CRB2: variants seen among roughly 807,000 people sequenced by gnomAD.
CRB2 encodes the protein protein crumbs homolog 2.
CRB2 carries 85 observed loss-of-function variants against 110.9 expected under a neutral mutation model. The observed-to-expected ratio is 0.77, with a 90% CI of 0.64 to 0.92. CRB2 has a LOEUF of 0.92. CRB2 is among the 40% of genes least tolerant of loss of function. The pLI, the probability that CRB2 is intolerant of heterozygous loss-of-function variation, is 0.00. For synonymous variants in CRB2, 907 were observed against 831.0 expected (o/e 1.09, Z -1.57); for missense variants, 1,843 against 1,851.3 (o/e 1.00, Z 0.08).
Position 123,373,245 on chromosome 9 carries a change from C to G in CRB2, c.2714C>G (p.Ser905Cys), listed in dbSNP as rs759262075. Residue 905 changes from serine to cysteine, a missense_variant, in exon 10 of 13, where the codon TCC (serine) becomes TGC (cysteine). Transcript: ENST00000373631. ...GLSLAFRTRD[S>C]EAWLLRAAAG... The stretch of plus-strand genomic sequence containing the variant: ...TCGCTGGCCTTTCGCACGCGCGACT[C>G]CGAGGCCTGGCTGCTGCGTGCCGCG... 1.3e-6 allele frequency: 2 copies of G among 1,502,978 alleles called. No individual in the cohort carries two copies. Among genetic ancestry groups the G allele is most frequent in the South Asian group, 1.2e-5 (1 of 80,998 alleles). 93.1% of individuals were successfully genotyped at this position (1,502,978 alleles called of 1,614,324 possible).
Position 123,373,852 on chromosome 9 carries a change from C to T in CRB2, c.3321C>T (p.Arg1107=), listed in dbSNP as rs1464273555. The T allele has an allele frequency of 6.4e-7, 1 of 1,561,378 alleles. No individual in the cohort carries two copies. The highest frequency in any genetic ancestry group is 8.6e-7 in the Non-Finnish European group (1 of 1,159,044). The change falls in exon 10 of 13, where the codon CGC becomes CGT. Residue 1107 remains arginine (R), a synonymous_variant. Transcript: ENST00000373631. ...ACTCCGCCCCCTGCGCCCGTGGCCG[C>T]TGTCACACGCACCCCGACGGCCGCT... The part of the protein sequence containing the change: ...PCHSAPCARG[R]CHTHPDGRFE...
At chr9:123,363,378 T>C (rs1034917568) in intron 2 of CRB2, among the ~76,000 whole-genome samples, 190 bp downstream of exon 2, 1 of 152,198 alleles carries the variant, frequency 6.6e-6, no homozygotes, top group African/African-American at 2.4e-5. Flanking sequence ...AGAGTATGTA[T>C]GTGCGGGTGC....
At chr9:123,369,747 GACCT>G (rs1176548925) in intron 6 of CRB2, among the ~76,000 whole-genome samples, 1 of 152,158 alleles carries the variant, frequency 6.6e-6, no homozygotes, top group Admixed American at 6.5e-5. Context: ...TTTAGAAATG[GACCT>G]CTGGCTACTG....
At chr9:123,367,545 G>A in intron 5 of CRB2, 28 bp from the exon 6 acceptor site, 1 of 1,531,186 alleles carries the variant, frequency 6.5e-7, no homozygotes, top group South Asian at 1.2e-5. Flanking sequence ...GAGGGTGCAG[G>A]TGGGACCCAC....
intron 6 of CRB2, among the ~76,000 whole-genome samples, chr9:123,369,395 G>C (rs2041981571): frequency 6.6e-6 from 1 of 152,216 alleles, no homozygotes; most frequent in African/African-American, 2.4e-5. Context: ...TTTTAATACA[G>C]GGTTCTGGGG....
Position 123,371,134 on chromosome 9 carries a change from G to C in CRB2, c.1992G>C (p.Glu664Asp), listed in dbSNP as rs1430163542. 2.5e-6 allele frequency: 4 copies of C among 1,613,414 alleles called. No individual in the cohort carries two copies. The highest frequency in any genetic ancestry group is 1.3e-5 in the African/African-American group (1 of 74,946). The change falls in exon 8 of 13, where the codon GAG (glutamate) becomes GAC (aspartate). Residue 664 changes from glutamate (E) to aspartate (D), a missense_variant. Coordinates refer to ENST00000373631, the MANE Select transcript of CRB2 (RefSeq NM_173689.7). Reference sequence around the variant, plus strand: ...GCTCTGCCTCCTTTCTGCTCCAAGAGCTGCCAGGTCCCAACCTCACAGTGT... The same window carrying C: ...GCTCTGCCTCCTTTCTGCTCCAAGACCTGCCAGGTCCCAACCTCACAGTGT... ...APSSASFLLQ[E>D]LPGPNLTVSF...
chr9:123,372,747 G>A (rs2042034760), intron 9 of CRB2, among the ~76,000 whole-genome samples: 1 of 152,198 alleles, frequency 6.6e-6, no homozygotes, highest in Non-Finnish European at 1.5e-5. Flanking sequence ...CAGGAGAGGG[G>A]CATGACCAGA....
chr9:123,365,079 T>G (rs752432339), intron 2 of CRB2, among the ~76,000 whole-genome samples: 4 of 152,048 alleles, frequency 2.6e-5, no homozygotes, highest in Non-Finnish European at 4.4e-5. Flanking sequence ...CTGGCCAACA[T>G]GGTGAAACGC....
chr9:123,370,848 G>A lies in CRB2; in HGVS notation c.1795G>A (p.Val599Ile), dbSNP rs999991709. 2.9e-5 allele frequency: 46 copies of A among 1,607,864 alleles called. No individual in the cohort carries two copies. Among genetic ancestry groups the A allele is most frequent in the Non-Finnish European group, 3.6e-5 (43 of 1,179,952 alleles). ...LLLPEDLGENVLLGCERREQC... is the reference protein window; with the variant it reads ...LLLPEDLGENILLGCERREQC... ...GCTGCCTGAGGATCTCGGTGAGAAC[G>A]TCCTCCTGGGCTGTGAGCGCCGAGA... is the stretch of plus-strand genomic sequence containing the variant. The change falls in exon 7 of 13, where the codon GTC becomes ATC. Residue 599 changes from valine to isoleucine, a missense_variant. Transcript: ENST00000373631.
chr9:123,354,618 G>T (rs904649917), upstream of CRB2, among the ~76,000 whole-genome samples: 1 of 152,232 alleles, frequency 6.6e-6, no homozygotes, highest in Admixed American at 6.5e-5. Flanking sequence ...CTGTGGCATG[G>T]AGAGGGGCTT....
intron 1 of CRB2, among the ~76,000 whole-genome samples, chr9:123,360,602 T>G (rs2041856548): frequency 6.6e-6 from 1 of 152,144 alleles, no homozygotes; most frequent in African/African-American, 2.4e-5. Flanking sequence ...ATGCAGATTC[T>G]CAGGCTCAGG....
intron 4 of CRB2, 126 bp from the exon 5 acceptor site, chr9:123,367,046 C>T: frequency 1.0e-6 from 1 of 960,808 alleles, no homozygotes; most frequent in Non-Finnish European, 1.5e-6. Flanking sequence ...TAGTGTGTCC[C>T]TCCCTCGCCA....
intron 1 of CRB2, among the ~76,000 whole-genome samples, chr9:123,361,468 G>A (rs1022589686): frequency 1.3e-5 from 2 of 152,156 alleles, no homozygotes; most frequent in African/African-American, 2.4e-5. Context: ...TGCGGATGAC[G>A]CCTGAGAGGC....
At chr9:123,371,700 G>A (rs1028193589) in intron 8 of CRB2, 122 bp downstream of exon 8, 40 of 1,364,048 alleles carry the variant, frequency 2.9e-5, no homozygotes, top group South Asian at 2.8e-4. Context: ...AGGAGGTGAA[G>A]TGACCTGCCC....
chr9:123,370,533 C>T lies in CRB2; in HGVS notation c.1480C>T (p.Gln494Ter). ...GCTGGCATTGGTGGCAGCCACACTTCAGGCCACACTCTGGAGCTACAGCAC... is the reference window on the plus strand; with the variant it reads ...GCTGGCATTGGTGGCAGCCACACTTTAGGCCACACTCTGGAGCTACAGCAC... ...LELALVAATL[Q>*]ATLWSYSTTV... The change falls in exon 7 of 13, where the codon CAG becomes TAG. Residue 494 changes from glutamine to a stop codon, truncating the protein, a stop_gained. Coordinates refer to ENST00000373631, the MANE Select transcript of CRB2 (RefSeq NM_173689.7). LOFTEE classifies it high-confidence loss of function. 6.2e-7 allele frequency: 1 copy of T among 1,613,582 alleles called. No individual in the cohort carries two copies. Among genetic ancestry groups the T allele is most frequent in the Middle Eastern group, 1.6e-4 (1 of 6,062 alleles).
chr9:123,354,530 G>A (rs568800037), upstream of CRB2, among the ~76,000 whole-genome samples: 7 of 152,376 alleles, frequency 4.6e-5, no homozygotes, highest in East Asian at 3.9e-4. Flanking sequence ...AGGAAGTCAC[G>A]TGCTGAGGTC....
intron 1 of CRB2, among the ~76,000 whole-genome samples, chr9:123,361,330 A>T (rs2132739345): frequency 6.6e-6 from 1 of 151,924 alleles, no homozygotes; most frequent in South Asian, 2.1e-4. Context: ...TCCTTTCAAC[A>T]CCTCCATGAG....
Position 123,377,263 on chromosome 9 carries a change from C to A in CRB2, c.*201C>A. Reference sequence around the variant, plus strand: ...AACAGAGGCCTAGAGAGGCTGCGGACTTCTCCATCCCACCCTCGGGGTTCC... The same window carrying A: ...AACAGAGGCCTAGAGAGGCTGCGGAATTCTCCATCCCACCCTCGGGGTTCC... On this transcript the variant is annotated 3_prime_UTR_variant, in exon 13 of 13. Coordinates refer to ENST00000373631, the MANE Select transcript of CRB2 (RefSeq NM_173689.7). 2 of 580,732 alleles carry A rather than the reference C, an allele frequency of 3.4e-6. No individual in the cohort carries two copies. Among genetic ancestry groups the A allele is most frequent in the Non-Finnish European group, 6.0e-6 (2 of 332,380 alleles). The allele number at this position is 580,732 out of a possible 1,614,324, so 36.0% of individuals were successfully genotyped here. A position where few individuals can be genotyped will look rare whatever the true frequency, so the allele number is the denominator to read the frequency against.
Position 123,373,467 on chromosome 9 carries a change from G to T in CRB2, c.2936G>T (p.Gly979Val). The change falls in exon 10 of 13, where the codon GGT (glycine) becomes GTT (valine). Residue 979 changes from glycine (G) to valine (V), a missense_variant. By Grantham distance (109) the Gly-to-Val change is moderately radical. Transcript: ENST00000373631. The stretch of plus-strand genomic sequence containing the variant: ...TCGCGCTGGCTGCTGTGGCTGGATG[G>T]TGCCGCCACCCCGGTGGCGCTGCGC... Reference protein sequence around the residue: ...TTSRWLLWLDGAATPVALRGL... With the variant: ...TTSRWLLWLDVAATPVALRGL... 6.9e-7 allele frequency: 1 copy of T among 1,454,798 alleles called. No homozygotes were observed. The highest frequency in any genetic ancestry group is 9.0e-7 in the Non-Finnish European group (1 of 1,111,234). 90.1% of individuals were successfully genotyped at this position (1,454,798 alleles called of 1,614,324 possible). A position where few individuals can be genotyped will look rare whatever the true frequency, so the allele number is the denominator to read the frequency against.
Sources: allele counts gnomAD v4.1 joint callset (sites outside exome capture counted in the v4.1 genomes callset), GRCh38; gene constraint gnomAD v4.1.1; transcripts MANE v1.5; gene names NCBI Gene and HGNC (gene_info 2026-07-23, HGNC 2026-07-21).